The following TRAK2 variants were observed in gnomAD, a reference collection of about 807,000 sequenced individuals.
TRAK2 encodes the protein trafficking kinesin-binding protein 2.
In TRAK2, 81 loss-of-function variants were observed where a neutral mutation model predicts 104.6. The ratio of observed to expected loss-of-function variants is 0.77; its 90% CI spans 0.65 to 0.93. The LOEUF (loss-of-function observed/expected upper bound fraction) is 0.93. Ranked by LOEUF, TRAK2 falls within the 40% of genes least tolerant of loss-of-function variation. The pLI is 0.00. For missense variants in TRAK2, 1,002 were observed against 1,089.0 expected, an observed-to-expected ratio of 0.92 and a Z score of 1.12; for synonymous variants, 406 against 394.4, an observed-to-expected ratio of 1.03 and a Z score of -0.35.
intron 2 of TRAK2, among the ~76,000 whole-genome samples, chr2:201,409,483 T>C (rs1338756119): frequency 6.6e-6 from 1 of 152,202 alleles, no homozygotes; most frequent in Non-Finnish European, 1.5e-5. Flanking sequence ...CTTTGTCAAA[T>C]ATCCAAACAA....
chr2:201,435,122 T>C (rs1436112571), intron 1 of TRAK2, among the ~76,000 whole-genome samples: 2 of 152,116 alleles, frequency 1.3e-5, no homozygotes, highest in Non-Finnish European at 1.5e-5. Flanking sequence ...AGTGGCATGA[T>C]CTCCACTCAC....
At position 201,381,046 on chromosome 2, in the gene TRAK2, G is replaced by A. The variant is rs199659556; in HGVS notation, c.2242C>T (p.Arg748Ter). 2.5e-6 allele frequency: 4 copies of A among 1,614,074 alleles called. No homozygotes were observed. The highest frequency in any genetic ancestry group is 3.4e-6 in the Non-Finnish European group (4 of 1,179,982). ...TGGTACACTTTGGCAGAGATGCCTC[G>A]CTCTTGTAGAAGTTTGGCCAAGCTC... is the stretch of plus-strand genomic sequence containing the variant. ...TMSLAKLLQE[R>*]GISAKVYHSP... is the part of the protein sequence containing the mutation. The change falls in exon 16 of 16, where the codon CGA becomes TGA. Residue 748 changes from arginine (R) to a stop codon, truncating the protein, a stop_gained. Coordinates refer to ENST00000332624, the MANE Select transcript of TRAK2 (RefSeq NM_015049.3). LOFTEE classifies it high-confidence loss of function.
At chr2:201,393,084 C>A in intron 9 of TRAK2, 38 bp from the exon 10 acceptor site, 1 of 1,560,136 alleles carries the variant, frequency 6.4e-7, no homozygotes, top group Non-Finnish European at 8.7e-7. Flanking sequence ...ATTGCCTTCC[C>A]AAAACAACAT....
intron 2 of TRAK2, chr2:201,410,949 T>G: frequency 6.4e-7 from 1 of 1,568,562 alleles, no homozygotes. Context: ...TGGACTACTG[T>G]AGAAGTTCTG....
intron 11 of TRAK2, 141 bp downstream of exon 11, chr2:201,389,660 C>CAAAAAA: frequency 9.3e-7 from 1 of 1,078,140 alleles, no homozygotes; most frequent in Admixed American, 2.3e-5. Context: ...AACTCTCTCA[C>CAAAAAA]AAAAAAAGGA....
chr2:201,429,967 G>A (rs528466332), intron 1 of TRAK2, among the ~76,000 whole-genome samples: 6 of 152,214 alleles, frequency 3.9e-5, no homozygotes, highest in South Asian at 4.1e-4. Context: ...CTATCTTTGC[G>A]GTTTTATCTA....
At chr2:201,439,205 G>A (rs575150551) in intron 1 of TRAK2, among the ~76,000 whole-genome samples, 2 of 152,220 alleles carry the variant, frequency 1.3e-5, no homozygotes, top group South Asian at 4.1e-4. Flanking sequence ...TAGAACATGT[G>A]GAAATGGAAA....
Position 201,410,857 on chromosome 2 carries a change from C to G in TRAK2, c.92-3260G>C, listed in dbSNP as rs536544345. The stretch of plus-strand genomic sequence containing the variant: ...GGGTCTTTGTTGGGTTGGCTTCGCA[C>G]CAGCAGGAGGAACATTCAAAGCACT... On this transcript the variant is annotated intron_variant, in intron 2 of 15. Transcript: ENST00000332624. 3.8e-6 allele frequency: 6 copies of G among 1,593,318 alleles called. No individual in the cohort carries two copies. In the East Asian group the frequency reaches 6.7e-5, roughly 18 times the overall value.
intron 2 of TRAK2, among the ~76,000 whole-genome samples, chr2:201,416,627 G>T (rs1263767005): frequency 6.6e-6 from 1 of 152,004 alleles, no homozygotes; most frequent in African/African-American, 2.4e-5. Flanking sequence ...TAAAGCAAAG[G>T]TAATAATGTA....
chr2:201,449,018 C>T (rs900059206), intron 1 of TRAK2, among the ~76,000 whole-genome samples: 13 of 152,134 alleles, frequency 8.5e-5, no homozygotes, highest in Admixed American at 8.5e-4. Flanking sequence ...ACTCACAAAA[C>T]CTGTAAACTG....
chr2:201,385,421 C>T (rs959773296), intron 14 of TRAK2, among the ~76,000 whole-genome samples: 10 of 152,018 alleles, frequency 6.6e-5, no homozygotes, highest in African/African-American at 1.7e-4. Flanking sequence ...AGGTGACTGC[C>T]CACCTCGATC....
At chr2:201,411,411 C>T in intron 2 of TRAK2, 1 of 745,870 alleles carries the variant, frequency 1.3e-6, no homozygotes. Flanking sequence ...TTGCTGATTC[C>T]CAATATTTGT....
At chr2:201,414,463 T>G (rs538140717) in intron 2 of TRAK2, among the ~76,000 whole-genome samples, 4 of 152,172 alleles carry the variant, frequency 2.6e-5, no homozygotes, top group Non-Finnish European at 5.9e-5. Context: ...AAACAAATCC[T>G]TAAGAGAGTA....
At position 201,446,479 on chromosome 2, in the gene TRAK2, G is replaced by A. The variant is rs183303825; in HGVS notation, c.-200+4871C>T. On this transcript the variant is annotated intron_variant, in intron 1 of 15. Coordinates refer to ENST00000332624, the MANE Select transcript of TRAK2 (RefSeq NM_015049.3). ...AAACAGTTTTTAAAACCTTAGAGCT[G>A]TTCCTTATCTCCTCTGATAAACTGC... is the stretch of plus-strand genomic sequence containing the variant. Among the ~76,000 whole-genome samples the A allele has an allele frequency of 2.8e-4, 43 of 152,312 alleles. No homozygotes were observed. In the East Asian group the frequency reaches 5.8e-3, roughly 20 times the overall value.
At position 201,378,600 on chromosome 2, in the gene TRAK2, G is replaced by C. The variant is rs533902429; in HGVS notation, c.*1943C>G. 1 of 152,238 alleles carries C rather than the reference G, an allele frequency of 6.6e-6. No individual in the cohort carries two copies. The highest frequency in any genetic ancestry group is 1.5e-5 in the Non-Finnish European group (1 of 68,004). The allele number at this position is 152,238 out of a possible 1,614,324, so 9.4% of individuals were successfully genotyped here. ...TTTAAAAGTGAATTGGAATATGCGG[G>C]AAATTTAAACAGCAGGGATTCTTCT... On this transcript the variant is annotated 3_prime_UTR_variant, in exon 16 of 16. Coordinates refer to ENST00000332624, the MANE Select transcript of TRAK2 (RefSeq NM_015049.3).
At chr2:201,416,194 C>T (rs1002900119) in intron 2 of TRAK2, among the ~76,000 whole-genome samples, 2 of 134,836 alleles carry the variant, frequency 1.5e-5, no homozygotes, top group Non-Finnish European at 3.1e-5. Flanking sequence ...TCAAGACCAG[C>T]TTGGCAACAT....
At chr2:201,440,783 A>C (rs777243599) in intron 1 of TRAK2, among the ~76,000 whole-genome samples, 3 of 152,226 alleles carry the variant, frequency 2.0e-5, no homozygotes, top group Non-Finnish European at 4.4e-5. Context: ...CCTACTGCTC[A>C]AGGTCATCGC....
At chr2:201,411,022 T>C (rs1951641472) in intron 2 of TRAK2, 1 of 1,350,764 alleles carries the variant, frequency 7.4e-7, no homozygotes, top group Non-Finnish European at 1.1e-6. Context: ...TTTAGGCCAT[T>C]TGTCAAATTT....
intron 5 of TRAK2, among the ~76,000 whole-genome samples, chr2:201,398,572 C>CT (rs1559442141): frequency 6.6e-6 from 1 of 152,106 alleles, no homozygotes. Flanking sequence ...AACAGTACAG[C>CT]TTTTTTCCCT....
Sources: allele counts gnomAD v4.1 joint callset (sites outside exome capture counted in the v4.1 genomes callset), GRCh38; gene constraint gnomAD v4.1.1; transcripts MANE v1.5; gene names NCBI Gene and HGNC (gene_info 2026-07-23, HGNC 2026-07-21).